Variants in DEUP1 observed in about 807,000 individuals in gnomAD.
The protein encoded by DEUP1 is deuterosome assembly protein 1.
Under a neutral mutation model 87.4 loss-of-function variants are expected in DEUP1, and 82 were observed. The observed-to-expected ratio is 0.94, with a 90% CI of 0.78 to 1.13. DEUP1 has a LOEUF of 1.13. Ranked by LOEUF, DEUP1 falls within the 50% of genes most tolerant of loss-of-function variation. The pLI, the probability that DEUP1 is intolerant of heterozygous loss-of-function variation, is 0.00. For synonymous variants in DEUP1, 214 were observed against 222.7 expected, an observed-to-expected ratio of 0.96 and a Z score of 0.35; for missense variants, 663 against 681.5, an observed-to-expected ratio of 0.97 and a Z score of 0.30.
intron 13 of DEUP1, among the ~76,000 whole-genome samples, chr11:93,420,343 G>A (rs374740336): frequency 2.0e-5 from 3 of 152,178 alleles, no homozygotes; most frequent in Admixed American, 1.3e-4. Flanking sequence ...ATGCAGAAAA[G>A]GCCTTTGACA....
Position 93,389,145 on chromosome 11 carries a change from C to G in DEUP1, c.1041+20C>G. On this transcript the variant is annotated intron_variant, in intron 9 of 13. Coordinates refer to ENST00000298050, the MANE Select transcript of DEUP1 (RefSeq NM_181645.4). ...AACAAGGTATGAAAAATAATGAGCT[C>G]CATTCTTCCAGGTAGATGTGAACTC... 1.5e-6 allele frequency: 2 copies of G among 1,364,650 alleles called. No individual in the cohort carries two copies. Among genetic ancestry groups the G allele is most frequent in the Non-Finnish European group, 2.1e-6 (2 of 973,126 alleles). The allele number at this position is 1,364,650 out of a possible 1,614,324, so 84.5% of individuals were successfully genotyped here.
chr11:93,385,927 C>T (rs966035733), intron 8 of DEUP1, among the ~76,000 whole-genome samples: 2 of 151,912 alleles, frequency 1.3e-5, no homozygotes, highest in Admixed American at 1.3e-4. Context: ...GGGGCACACA[C>T]CTGTAGTCCC....
intron 1 of DEUP1, among the ~76,000 whole-genome samples, chr11:93,331,226 C>A (rs1236525818): frequency 6.6e-6 from 1 of 152,200 alleles, no homozygotes; most frequent in Non-Finnish European, 1.5e-5. Flanking sequence ...GAGCTCGAAT[C>A]TTCCTCCTCT....
intron 2 of DEUP1, among the ~76,000 whole-genome samples, chr11:93,353,971 T>C (rs1944762509): frequency 6.6e-6 from 1 of 152,272 alleles, no homozygotes; most frequent in Non-Finnish European, 1.5e-5. Flanking sequence ...TTGCTACTTA[T>C]GCAAATTTCT....
chr11:93,330,830 G>C (rs1326573719), intron 1 of DEUP1, 58 bp downstream of exon 1: 5 of 152,532 alleles, frequency 3.3e-5, no homozygotes, highest in African/African-American at 1.2e-4. Flanking sequence ...CCAAAGGCCA[G>C]GCTGCGCGGG....
intron 2 of DEUP1, among the ~76,000 whole-genome samples, chr11:93,352,067 T>A (rs78369669): frequency 7.2e-5 from 11 of 152,116 alleles, no homozygotes; most frequent in African/African-American, 2.4e-4. Context: ...ATTAATTAGC[T>A]GTGTGATCTT....
intron 11 of DEUP1, among the ~76,000 whole-genome samples, chr11:93,403,125 A>T (rs1947173556): frequency 6.6e-6 from 1 of 151,980 alleles, no homozygotes. Context: ...CTGAAAATAC[A>T]TCTATTGTGG....
At chr11:93,375,929 G>C (rs1305098411) in intron 7 of DEUP1, among the ~76,000 whole-genome samples, 1 of 151,886 alleles carries the variant, frequency 6.6e-6, no homozygotes, top group Non-Finnish European at 1.5e-5. Context: ...CTTTTTTGTT[G>C]GCAATTTTCA....
chr11:93,387,630 T>C (rs925411337), intron 8 of DEUP1, among the ~76,000 whole-genome samples: 1 of 152,140 alleles, frequency 6.6e-6, no homozygotes, highest in African/African-American at 2.4e-5. Context: ...ATTTGTTTCA[T>C]TCACTCACTG....
At chr11:93,355,800 T>C (rs968473950) in intron 3 of DEUP1, among the ~76,000 whole-genome samples, 1 of 152,184 alleles carries the variant, frequency 6.6e-6, no homozygotes, top group East Asian at 1.9e-4. Flanking sequence ...AAATATTTAA[T>C]ATATATGTAA....
chr11:93,379,625 C>T (rs1386722826), intron 7 of DEUP1, among the ~76,000 whole-genome samples: 25 of 152,086 alleles, frequency 1.6e-4, no homozygotes, highest in Admixed American at 1.6e-3. Context: ...AGCTGCTGGC[C>T]AAGGTTGCCC....
chr11:93,397,523 G>A (rs1946978381), intron 11 of DEUP1, among the ~76,000 whole-genome samples: 2 of 152,104 alleles, frequency 1.3e-5, no homozygotes, highest in Admixed American at 6.6e-5. Context: ...CAATTTGAAT[G>A]TTTTTAAGTG....
At chr11:93,333,858 TG>T (rs774330481) in intron 2 of DEUP1, among the ~76,000 whole-genome samples, 2 of 152,286 alleles carry the variant, frequency 1.3e-5, no homozygotes, top group East Asian at 3.9e-4. Flanking sequence ...GTTAGGATTC[TG>T]GGTTAAGTAT....
At chr11:93,403,934 A>C (rs537214975) in intron 11 of DEUP1, among the ~76,000 whole-genome samples, 70 of 152,176 alleles carry the variant, frequency 4.6e-4, no homozygotes, top group African/African-American at 1.6e-3. Flanking sequence ...TTTGTCTTCT[A>C]AAATATGTGC....
At chr11:93,427,652 G>A (rs1313849268) in intron 13 of DEUP1, among the ~76,000 whole-genome samples, 2 of 151,050 alleles carry the variant, frequency 1.3e-5, no homozygotes, top group East Asian at 2.0e-4. Flanking sequence ...AAGAGCTTCT[G>A]CACAGCAAAA....
chr11:93,396,683 C>G (rs2134373185), intron 11 of DEUP1, among the ~76,000 whole-genome samples: 1 of 152,304 alleles, frequency 6.6e-6, no homozygotes, highest in Non-Finnish European at 1.5e-5. Context: ...AAACCCCAGT[C>G]AGAATGAATG....
intron 2 of DEUP1, among the ~76,000 whole-genome samples, chr11:93,345,256 C>T (rs1323771417): frequency 1.3e-5 from 2 of 152,270 alleles, no homozygotes; most frequent in African/African-American, 2.4e-5. Flanking sequence ...CTCCATCTAC[C>T]ACTGATGGGC....
chr11:93,420,277 T>C (rs1266528486), intron 13 of DEUP1, among the ~76,000 whole-genome samples: 1 of 152,018 alleles, frequency 6.6e-6, no homozygotes, highest in East Asian at 1.9e-4. Context: ...AATCAATAAA[T>C]GTAATCCAGC....
chr11:93,434,585 G>A (rs2134516914), intron 13 of DEUP1, among the ~76,000 whole-genome samples: 1 of 152,290 alleles, frequency 6.6e-6, no homozygotes. Context: ...GTTGGCATGA[G>A]GAGCCCAAAG....
Sources: allele counts gnomAD v4.1 joint callset (sites outside exome capture counted in the v4.1 genomes callset), GRCh38; gene constraint gnomAD v4.1.1; transcripts MANE v1.5; gene names NCBI Gene and HGNC (gene_info 2026-07-23, HGNC 2026-07-21).